TPO: variants seen among roughly 807,000 people sequenced by gnomAD.
The protein encoded by TPO is thyroid microsomal antigen.
A neutral mutation model predicts 96.9 loss-of-function variants in TPO; 78 were observed. That is an observed-to-expected ratio of 0.81 (90% CI 0.67 to 0.97). The LOEUF (loss-of-function observed/expected upper bound fraction) is 0.97, where lower values mean the gene tolerates loss of function less well. TPO is among the 50% of genes least tolerant of loss of function. The pLI, the probability that TPO is intolerant of heterozygous loss-of-function variation, is 0.00. For synonymous variants in TPO, 547 were observed against 538.0 expected, an observed-to-expected ratio of 1.02 and a Z score of -0.23; for missense variants, 1,252 against 1,274.8, an observed-to-expected ratio of 0.98 and a Z score of 0.27.
At chr2:1,540,771 G>GACAGGATCT (rs1680659281) in intron 16 of TPO, 48 bp downstream of exon 16, 1 of 1,613,012 alleles carries the variant, frequency 6.2e-7, no homozygotes, top group Admixed American at 1.7e-5. Context: ...GCAGTGGTTG[G>GACAGGATCT]ACAGGATCTG....
chr2:1,409,796 A>G (rs1173888026), upstream of TPO, among the ~76,000 whole-genome samples: 4 of 144,758 alleles, frequency 2.8e-5, no homozygotes, highest in Non-Finnish European at 1.5e-5. Flanking sequence ...CAGTGCGCGC[A>G]CACACACACA....
intron 3 of TPO, among the ~76,000 whole-genome samples, chr2:1,425,873 T>A (rs1410565733): frequency 6.6e-6 from 1 of 151,106 alleles, no homozygotes; most frequent in Non-Finnish European, 1.5e-5. Flanking sequence ...TCATTTCATA[T>A]CCTCAGAAGT....
Position 1,477,100 on chromosome 2 carries a change from C to T in TPO, c.834C>T (p.Ala278=), listed in dbSNP as rs773103037. 6.2e-6 allele frequency: 10 copies of T among 1,605,016 alleles called. No homozygotes were observed. In the African/African-American group the frequency reaches 1.1e-4, roughly 17 times the overall value. Residue 278 remains alanine, a synonymous_variant, in exon 8 of 17, where the codon GCC becomes GCT. Coordinates refer to ENST00000329066, the MANE Select transcript of TPO (RefSeq NM_001206744.2). The part of the protein sequence containing the change: ...PCFPIQLPEE[A]RPAAGTACLP... ...TTTGCCTGCAGCTCCCGGAGGAGGC[C>T]CGGCCGGCCGCGGGCACCGCCTGTC...
At chr2:1,504,575 T>G (rs1431309313) in intron 14 of TPO, among the ~76,000 whole-genome samples, 1 of 152,206 alleles carries the variant, frequency 6.6e-6, no homozygotes, top group Admixed American at 6.5e-5. Context: ...TCGGATGGCC[T>G]TGTCCAGTCC....
At chr2:1,534,791 G>C (rs1434413131) in intron 15 of TPO, among the ~76,000 whole-genome samples, 5 of 145,478 alleles carry the variant, frequency 3.4e-5, no homozygotes, top group Admixed American at 3.4e-4. Context: ...TCCCCACTGT[G>C]GGTAACCTCC....
intron 3 of TPO, among the ~76,000 whole-genome samples, chr2:1,425,249 T>G (rs925925853): frequency 6.6e-6 from 1 of 152,140 alleles, no homozygotes; most frequent in Non-Finnish European, 1.5e-5. Flanking sequence ...TCATTTCATA[T>G]TCTCAGAAGT....
Position 1,527,379 on chromosome 2 carries a change from C to A in TPO, c.2618+10397C>A, listed in dbSNP as rs530288883. On this transcript the variant is annotated intron_variant, in intron 15 of 16. Coordinates refer to ENST00000329066, the MANE Select transcript of TPO (RefSeq NM_001206744.2). ...CCTCCCCAAATCCCCGCACTGTGTG[C>A]AACCACCCCAAATCCCCCCCACTGT... Among the ~76,000 whole-genome samples, 4 of 126,540 alleles carry A rather than the reference C, an allele frequency of 3.2e-5. No homozygotes were observed. The South Asian group carries it at 1.2e-3, about 38-fold the overall frequency. 83.0% of individuals were successfully genotyped at this position (126,540 alleles called of 152,430 possible).
chr2:1,459,660 G>C (rs1668219963), intron 7 of TPO, among the ~76,000 whole-genome samples: 2 of 152,130 alleles, frequency 1.3e-5, no homozygotes, highest in Non-Finnish European at 2.9e-5. Flanking sequence ...CTGCAGAGGA[G>C]GTCCCAGTGG....
chr2:1,521,912 T>G (rs961621540), intron 15 of TPO, among the ~76,000 whole-genome samples: 5 of 152,014 alleles, frequency 3.3e-5, no homozygotes, highest in Non-Finnish European at 5.9e-5. Flanking sequence ...CTAAACGCAT[T>G]GTCCAGTTTC....
chr2:1,409,729 C>T (rs1362021544), upstream of TPO, among the ~76,000 whole-genome samples: 1 of 152,036 alleles, frequency 6.6e-6, no homozygotes, highest in Non-Finnish European at 1.5e-5. Flanking sequence ...CCTGAGTCTC[C>T]TCTCATCCAT....
intron 7 of TPO, among the ~76,000 whole-genome samples, chr2:1,459,584 A>T (rs1395671220): frequency 6.6e-6 from 1 of 152,216 alleles, no homozygotes; most frequent in Non-Finnish European, 1.5e-5. Context: ...GAAAAGGAAG[A>T]CAGGCTGGTC....
rs1351603674 is a variant in TPO, at chr2:1,534,376, C to T, written c.2619-6218C>T. ...GTCGTCCAACTGTGTTCAACCTCCCCAAATCCCTCCAACTGTGTGCAACCT... is the reference window on the plus strand; with the variant it reads ...GTCGTCCAACTGTGTTCAACCTCCCTAAATCCCTCCAACTGTGTGCAACCT... On this transcript the variant is annotated intron_variant, in intron 15 of 16. Coordinates refer to ENST00000329066, the MANE Select transcript of TPO (RefSeq NM_001206744.2). Among the ~76,000 whole-genome samples the T allele has an allele frequency of 5.4e-5, 8 of 147,970 alleles. 2 individuals are homozygous for T. The highest frequency in any genetic ancestry group is 1.0e-4 in the Non-Finnish European group (7 of 67,466).
intron 11 of TPO, 118 bp downstream of exon 11, chr2:1,494,157 G>A (rs1457363266): frequency 1.8e-5 from 19 of 1,049,342 alleles, no homozygotes; most frequent in East Asian, 9.5e-5. Flanking sequence ...CAACTCTTAC[G>A]TAAGCCTGGT....
chr2:1,464,062 CCT>C (rs1421858410), intron 7 of TPO, among the ~76,000 whole-genome samples: 2 of 152,164 alleles, frequency 1.3e-5, no homozygotes, highest in African/African-American at 4.8e-5. Flanking sequence ...ACCCTTTCCC[CCT>C]GAGTCCCCAA....
intron 5 of TPO, among the ~76,000 whole-genome samples, chr2:1,436,886 C>T (rs1665628584): frequency 1.3e-5 from 2 of 152,226 alleles, no homozygotes; most frequent in South Asian, 4.1e-4. Flanking sequence ...CATTCACGCT[C>T]CCTGTTATGG....
intron 15 of TPO, among the ~76,000 whole-genome samples, chr2:1,524,991 C>G (rs1412503961): frequency 8.7e-5 from 11 of 126,596 alleles, no homozygotes. Context: ...GCAACCTCCC[C>G]AAATCCACCC....
At chr2:1,455,488 AC>A (rs1573257090) in intron 6 of TPO, among the ~76,000 whole-genome samples, 1 of 152,230 alleles carries the variant, frequency 6.6e-6, no homozygotes, top group African/African-American at 2.4e-5. Context: ...TCCATCCAGG[AC>A]AAAATTCCTC....
intron 6 of TPO, among the ~76,000 whole-genome samples, 189 bp downstream of exon 6, chr2:1,454,012 G>A (rs1259315951): frequency 1.3e-5 from 2 of 152,226 alleles, no homozygotes; most frequent in Non-Finnish European, 2.9e-5. Flanking sequence ...GGCTCAGGGA[G>A]ATTGAAATCT....
At chr2:1,533,939 G>A (rs1678921424) in intron 15 of TPO, among the ~76,000 whole-genome samples, 1 of 87,094 alleles carries the variant, frequency 1.1e-5, no homozygotes, top group Non-Finnish European at 2.3e-5. Flanking sequence ...CCAACCAAAT[G>A]TATGCAACCT....
Sources: gnomAD v4.1 joint callset for allele counts (sites outside exome capture counted in the v4.1 genomes callset) on GRCh38, gnomAD v4.1.1 for gene constraint, MANE v1.5 for transcripts, NCBI Gene and HGNC (gene_info 2026-07-23, HGNC 2026-07-21) for gene names.